ABCA12: variants seen among roughly 807,000 people sequenced by gnomAD.
The protein encoded by ABCA12 is glucosylceramide transporter ABCA12.
Under a neutral mutation model 293.5 loss-of-function variants are expected in ABCA12, and 156 were observed. The observed-to-expected ratio is 0.53, with a 90% CI of 0.47 to 0.61. The LOEUF (loss-of-function observed/expected upper bound fraction) is 0.61, where lower values mean the gene tolerates loss of function less well. ABCA12 is among the 20% of genes least tolerant of loss of function. ABCA12 has a pLI of 0.00. For missense variants in ABCA12, 2,797 were observed against 3,090.2 expected (o/e 0.91, Z 2.25); for synonymous variants, 1,063 against 1,108.0 (o/e 0.96, Z 0.81).
At chr2:214,954,454 G>C (rs546086833) in intron 43 of ABCA12, among the ~76,000 whole-genome samples, 1 of 152,234 alleles carries the variant, frequency 6.6e-6, no homozygotes, top group African/African-American at 2.4e-5. Context: ...AGGGAGGGAG[G>C]TACTTGGTAC....
intron 22 of ABCA12, among the ~76,000 whole-genome samples, chr2:215,000,354 T>A (rs1207207302): frequency 6.6e-6 from 1 of 152,194 alleles, no homozygotes; most frequent in East Asian, 1.9e-4. Flanking sequence ...GTCTTGTTCA[T>A]CCCTTTCATT....
chr2:215,105,288 A>C (rs1172651820), intron 2 of ABCA12, among the ~76,000 whole-genome samples: 1 of 152,154 alleles, frequency 6.6e-6, no homozygotes, highest in Non-Finnish European at 1.5e-5. Context: ...GACAAGGCTA[A>C]ATGGGAGTAC....
chr2:215,051,931 T>C (rs1701328800), intron 5 of ABCA12, among the ~76,000 whole-genome samples: 1 of 152,070 alleles, frequency 6.6e-6, no homozygotes, highest in Admixed American at 6.6e-5. Flanking sequence ...CACACACACA[T>C]TTAGCTCACA....
intron 16 of ABCA12, 63 bp from the exon 17 acceptor site, chr2:215,011,712 C>T (rs1411980729): frequency 4.7e-6 from 7 of 1,491,122 alleles, no homozygotes; most frequent in Non-Finnish European, 6.5e-6. Flanking sequence ...CTGAAAACAA[C>T]AGAGAAAGAG....
chr2:215,081,365 C>A (rs1319196824), intron 2 of ABCA12, among the ~76,000 whole-genome samples: 1 of 151,440 alleles, frequency 6.6e-6, no homozygotes, highest in East Asian at 1.9e-4. Flanking sequence ...GTAGTCCCAG[C>A]TACTCTGGGT....
intron 1 of ABCA12, among the ~76,000 whole-genome samples, chr2:215,134,394 A>G (rs535886189): frequency 4.8e-5 from 7 of 145,102 alleles, no homozygotes; most frequent in African/African-American, 7.6e-5. Flanking sequence ...ACATATATGT[A>G]TATGTGTATA....
rs1299165991 is a variant in ABCA12, at chr2:214,940,965, C to T, written c.7436+1960G>A. ...GGGTTTTTCGAGTCTCTATTTCCTT[C>T]AGTTCTGCTCTGATCTTAGTCATTT... On this transcript the variant is annotated intron_variant, in intron 50 of 52. Coordinates refer to ENST00000272895, the MANE Select transcript of ABCA12 (RefSeq NM_173076.3). Among the ~76,000 whole-genome samples, 4 of 152,106 alleles carry T rather than the reference C, an allele frequency of 2.6e-5. No homozygotes were observed. The East Asian group carries it at 5.8e-4, about 22-fold the overall frequency.
chr2:215,023,258 T>G (rs1700670026), intron 11 of ABCA12: 1 of 152,214 alleles, frequency 6.6e-6, no homozygotes, highest in Non-Finnish European at 1.5e-5. Context: ...TCATACCCTA[T>G]GCCAGGTGCT....
In ABCA12 at chr2:214,959,014, A is replaced by G. The variant is rs1699036879; in HGVS notation, c.5939+10T>C. Reference sequence around the variant, plus strand: ...AGGAGAAAGTAGTCATGCTAGAGATATCTGCTTACGTGGCTTGTTCTTGGT... The same window carrying G: ...AGGAGAAAGTAGTCATGCTAGAGATGTCTGCTTACGTGGCTTGTTCTTGGT... On this transcript the variant is annotated intron_variant, in intron 40 of 52. Transcript: ENST00000272895. The G allele has an allele frequency of 1.2e-6, 2 of 1,613,272 alleles. No homozygotes were observed. The highest frequency in any genetic ancestry group is 8.5e-7 in the Non-Finnish European group (1 of 1,179,262).
intron 22 of ABCA12, 136 bp downstream of exon 22, chr2:215,000,569 T>C (rs2105988503): frequency 2.1e-6 from 2 of 957,286 alleles, no homozygotes. Context: ...TAGTGTGAAC[T>C]CTTTCTCAAA....
At chr2:215,058,627 A>G (rs1701468691) in intron 3 of ABCA12, among the ~76,000 whole-genome samples, 1 of 152,032 alleles carries the variant, frequency 6.6e-6, no homozygotes, top group South Asian at 2.1e-4. Context: ...GTGAACCAAC[A>G]AAACCTGAGT....
intron 38 of ABCA12, 69 bp from the exon 39 acceptor site, chr2:214,967,022 C>G: frequency 1.7e-6 from 2 of 1,157,940 alleles, no homozygotes; most frequent in Non-Finnish European, 1.3e-6. Flanking sequence ...TAACATCTGA[C>G]AGCTATCTTA....
rs765534051 is a variant in ABCA12, at chr2:214,947,602, AC to A, written c.7105-47del. On this transcript the variant is annotated intron_variant, in intron 47 of 52. Transcript: ENST00000272895. ...GTTAGGTTGACCTTCCTGTGCCAAAACCCTTAAAGCACTAAATGGAAAAAAA... is the reference window on the plus strand; with the variant it reads ...GTTAGGTTGACCTTCCTGTGCCAAAACCTTAAAGCACTAAATGGAAAAAAA... 20 of 1,610,024 alleles carry A rather than the reference AC, an allele frequency of 1.2e-5. No individual in the cohort carries two copies. In the South Asian group the frequency reaches 2.2e-4, roughly 18 times the overall value.
intron 2 of ABCA12, among the ~76,000 whole-genome samples, chr2:215,083,253 C>G (rs1268525005): frequency 6.6e-6 from 1 of 152,170 alleles, no homozygotes; most frequent in African/African-American, 2.4e-5. Context: ...GTCAGCAACA[C>G]CTAGAGTCAC....
intron 2 of ABCA12, among the ~76,000 whole-genome samples, chr2:215,097,808 G>A (rs1262912853): frequency 6.6e-6 from 1 of 152,040 alleles, no homozygotes; most frequent in African/African-American, 2.4e-5. Flanking sequence ...GAAATACACT[G>A]GTCCCTGTTA....
intron 8 of ABCA12, among the ~76,000 whole-genome samples, chr2:215,034,904 T>A (rs1346282354): frequency 6.6e-6 from 1 of 152,092 alleles, no homozygotes; most frequent in African/African-American, 2.4e-5. Context: ...TTAGAGAGAA[T>A]CCAAGCAACT....
chr2:214,986,970 G>C (rs182995364), intron 27 of ABCA12, among the ~76,000 whole-genome samples: 20 of 152,120 alleles, frequency 1.3e-4, no homozygotes, highest in African/African-American at 4.6e-4. Context: ...CCCAGAATAT[G>C]GTATTATAAT....
chr2:215,057,296 G>A (rs939367583), intron 3 of ABCA12, among the ~76,000 whole-genome samples: 1 of 151,994 alleles, frequency 6.6e-6, no homozygotes. Flanking sequence ...TGTGTACCAA[G>A]AGTCTCTCTG....
chr2:215,047,952 A>G (rs776182862), intron 6 of ABCA12, among the ~76,000 whole-genome samples: 9 of 150,366 alleles, frequency 6.0e-5, no homozygotes, highest in Non-Finnish European at 1.3e-4. Context: ...AACATCTATA[A>G]GGAAGTTCAA....
Sources: gnomAD v4.1 joint callset for allele counts (sites outside exome capture counted in the v4.1 genomes callset) on GRCh38, gnomAD v4.1.1 for gene constraint, MANE v1.5 for transcripts, NCBI Gene and HGNC (gene_info 2026-07-23, HGNC 2026-07-21) for gene names.